DNAH14: variants seen among roughly 807,000 people sequenced by gnomAD.
The protein encoded by DNAH14 is axonemal beta dynein heavy chain 14.
DNAH14 carries 478 observed loss-of-function variants against 520.9 expected under a neutral mutation model. That is an observed-to-expected ratio of 0.92 (90% confidence interval 0.85 to 0.99). The LOEUF (loss-of-function observed/expected upper bound fraction) is 0.99. Ranked by LOEUF, DNAH14 falls within the 50% of genes least tolerant of loss-of-function variation. DNAH14 has a pLI of 0.00. For missense variants in DNAH14, 4,831 were observed against 5,234.5 expected, an observed-to-expected ratio of 0.92 and a Z score of 2.38; for synonymous variants, 1,581 against 1,757.2, an observed-to-expected ratio of 0.90 and a Z score of 2.51.
rs556223761 is a variant in DNAH14 at position 225,204,184 on chromosome 1, T to C, written c.5888T>C (p.Val1963Ala). Residue 1963 changes from valine (V) to alanine (A), a missense_variant and splice_region_variant, in exon 39 of 86, where the codon GTT becomes GCT. Transcript: ENST00000682510. ...AACATTATTGATTACATATTTTAGG[T>C]TTTCAAACTTGATTCCTCTGATACA... ...LKSRISDLSN[V>A]FKLDSSDTTE... The C allele has an allele frequency of 3.5e-6, 5 of 1,441,938 alleles. No homozygotes were observed. Among genetic ancestry groups the C allele is most frequent in the Middle Eastern group, 1.8e-4 (1 of 5,616 alleles). The allele number at this position is 1,441,938 out of a possible 1,614,324, so 89.3% of individuals were successfully genotyped here. A position where few individuals can be genotyped will look rare whatever the true frequency, so the allele number is the denominator to read the frequency against.
intron 49 of DNAH14, among the ~76,000 whole-genome samples, chr1:225,267,021 G>C (rs1188655238): frequency 1.3e-5 from 2 of 152,026 alleles, no homozygotes; most frequent in Non-Finnish European, 2.9e-5. Flanking sequence ...CTCAAGATTT[G>C]GTTTCTGAGT....
At chr1:225,236,540 A>C (rs1486950235) in intron 42 of DNAH14, among the ~76,000 whole-genome samples, 1 of 152,172 alleles carries the variant, frequency 6.6e-6, no homozygotes, top group Non-Finnish European at 1.5e-5. Context: ...TACCAGGTCC[A>C]CTTAATCCAG....
intron 55 of DNAH14, among the ~76,000 whole-genome samples, chr1:225,290,673 ATATATATATATATATATAT>A (rs2093861999): frequency 7.9e-6 from 1 of 126,494 alleles, no homozygotes; most frequent in Admixed American, 7.8e-5. Flanking sequence ...ATATATATAT[ATATATATATATATATATAT>A]ATTTCCTCCA....
In DNAH14 at chr1:225,024,993, G is replaced by A. The variant is rs571903304; in HGVS notation, c.1358+1128G>A. 4.1e-4 allele frequency among the ~76,000 whole-genome samples: 62 copies of A among 151,802 alleles called. 1 individual carries two copies. In the Middle Eastern group the frequency reaches 0.017, roughly 42 times the overall value. On this transcript the variant is annotated intron_variant, in intron 11 of 85. Coordinates refer to ENST00000682510, the MANE Select transcript of DNAH14 (RefSeq NM_001367479.1). ...TGTAATCCTAGTATACTAATTTATA[G>A]CTCGTTTTTTAAACACAATGTCTCC...
intron 43 of DNAH14, chr1:225,250,616 G>T (rs768127848): frequency 4.1e-6 from 2 of 485,596 alleles, no homozygotes. Flanking sequence ...ATACTCACAG[G>T]TTCCTGAAGA....
chr1:225,159,279 T>A, intron 34 of DNAH14, 35 bp from the exon 35 acceptor site: 1 of 1,525,588 alleles, frequency 6.6e-7, no homozygotes, highest in Non-Finnish European at 8.9e-7. Flanking sequence ...ACTCCCTAAT[T>A]TGTTCTCTGT....
intron 49 of DNAH14, among the ~76,000 whole-genome samples, chr1:225,269,963 C>T (rs2093261946): frequency 6.6e-6 from 1 of 152,132 alleles, no homozygotes; most frequent in Non-Finnish European, 1.5e-5. Flanking sequence ...TCAGCCATCC[C>T]ATTACTGGGT....
rs1438212324 is a variant in DNAH14 at position 225,303,185 on chromosome 1, G to T, written c.8661G>T (p.Val2887=). The part of the protein sequence containing the change: ...KRIYKNLHIF[V]IMSPEGPSFR... ...TATATAAAAATCTTCATATTTTTGT[G>T]ATCATGAGTCCTGAAGGACCTAGCT... Residue 2887 remains valine, a synonymous_variant, in exon 57 of 86, where the codon GTG becomes GTT. Transcript: ENST00000682510. 1.3e-6 allele frequency: 2 copies of T among 1,498,430 alleles called. No homozygotes were observed. Among genetic ancestry groups the T allele is most frequent in the South Asian group, 1.4e-5 (1 of 73,342 alleles). 92.8% of individuals were successfully genotyped at this position (1,498,430 alleles called of 1,614,324 possible). A position where few individuals can be genotyped will look rare whatever the true frequency, so the allele number is the denominator to read the frequency against.
chr1:225,089,344 TGAGGCAG>T (rs1243729451), intron 21 of DNAH14, among the ~76,000 whole-genome samples: 43 of 147,642 alleles, frequency 2.9e-4, no homozygotes, highest in African/African-American at 1.0e-3. Flanking sequence ...CTTGGAAGGC[TGAGGCAG>T]GAGAATCGCT....
chr1:225,101,121 C>T (rs2075409796), intron 23 of DNAH14, among the ~76,000 whole-genome samples: 1 of 151,302 alleles, frequency 6.6e-6, no homozygotes, highest in Non-Finnish European at 1.5e-5. Context: ...GCCCAGGTTC[C>T]CTTACCTTTT....
intron 64 of DNAH14, among the ~76,000 whole-genome samples, chr1:225,329,607 G>A (rs2094751266): frequency 6.6e-6 from 1 of 152,104 alleles, no homozygotes; most frequent in East Asian, 1.9e-4. Context: ...ATATCCAGAA[G>A]AATGAAACTA....
chr1:225,130,087 A>G (rs1019176597), intron 27 of DNAH14, among the ~76,000 whole-genome samples: 12 of 152,254 alleles, frequency 7.9e-5, no homozygotes, highest in African/African-American at 2.9e-4. Context: ...ATCACTGACC[A>G]TCAAAGAAAT....
At chr1:225,268,458 A>T (rs1368415390) in intron 49 of DNAH14, among the ~76,000 whole-genome samples, 1 of 152,224 alleles carries the variant, frequency 6.6e-6, no homozygotes, top group African/African-American at 2.4e-5. Context: ...TATTCAACAT[A>T]GTTTTGGAAG....
At chr1:225,150,282 T>C (rs1011316208) in intron 31 of DNAH14, among the ~76,000 whole-genome samples, 6 of 152,232 alleles carry the variant, frequency 3.9e-5, no homozygotes, top group Admixed American at 3.9e-4. Context: ...GATGTGCTGC[T>C]AGATTCGATT....
Position 225,346,108 on chromosome 1 carries a change from C to T in DNAH14, c.10825C>T (p.Arg3609Ter), listed in dbSNP as rs1351093329. ...TAAAAACTATCTCCCCATTGCGACC[C>T]GAGGCGCCCTGCTCTACTTCCTAGT... Reference protein sequence around the residue: ...IRKNYLPIATRGALLYFLVAD... With the variant: ...IRKNYLPIAT Residue 3609 changes from arginine (R) to a stop codon, truncating the protein, a stop_gained, in exon 70 of 86, where the codon CGA (arginine) becomes TGA (stop). Coordinates refer to ENST00000682510, the MANE Select transcript of DNAH14 (RefSeq NM_001367479.1). LOFTEE classifies it high-confidence loss of function. 16 of 1,551,580 alleles carry T rather than the reference C, an allele frequency of 1.0e-5. No homozygotes were observed. Among genetic ancestry groups the T allele is most frequent in the Admixed American group, 2.0e-5 (1 of 50,988 alleles).
intron 37 of DNAH14, among the ~76,000 whole-genome samples, chr1:225,189,224 A>G (rs978818323): frequency 6.6e-6 from 1 of 151,720 alleles, no homozygotes; most frequent in Non-Finnish European, 1.5e-5. Context: ...GTGCTTGGTC[A>G]TGGTGCATAA....
chr1:225,050,138 G>A, intron 15 of DNAH14, 72 bp from the exon 16 acceptor site: 1 of 1,300,112 alleles, frequency 7.7e-7, no homozygotes, highest in Admixed American at 3.0e-5. Context: ...AGTTCTAGAT[G>A]TCATGGATAA....
intron 60 of DNAH14, among the ~76,000 whole-genome samples, chr1:225,310,712 C>G (rs2094346720): frequency 6.6e-6 from 1 of 152,094 alleles, no homozygotes; most frequent in Non-Finnish European, 1.5e-5. Flanking sequence ...GTTTTCTGTT[C>G]TTGTGTTAGT....
At chr1:225,025,539 C>A (rs1193315538) in intron 11 of DNAH14, among the ~76,000 whole-genome samples, 1 of 150,582 alleles carries the variant, frequency 6.6e-6, no homozygotes, top group East Asian at 2.0e-4. Flanking sequence ...CAAGACCAGT[C>A]TGGGCAACAA....
Sources: allele counts gnomAD v4.1 joint callset (sites outside exome capture counted in the v4.1 genomes callset), GRCh38; gene constraint gnomAD v4.1.1; transcripts MANE v1.5; gene names NCBI Gene and HGNC (gene_info 2026-07-23, HGNC 2026-07-21).